TXNRD2: variants seen among roughly 807,000 people sequenced by gnomAD.
The protein encoded by TXNRD2 is thioredoxin reductase 2.
A neutral mutation model predicts 70.8 loss-of-function variants in TXNRD2; 67 were observed. That is an observed-to-expected ratio of 0.95 (90% confidence interval 0.78 to 1.16). The LOEUF (loss-of-function observed/expected upper bound fraction) is 1.16. Ranked by LOEUF, TXNRD2 falls within the 50% of genes most tolerant of loss-of-function variation. The pLI is 0.00. For missense variants in TXNRD2, 644 were observed against 719.9 expected (o/e 0.89, Z 1.21); for synonymous variants, 301 against 295.8 (o/e 1.02, Z -0.18).
chr22:19,921,251 C>CA (rs979865177), intron 2 of TXNRD2, among the ~76,000 whole-genome samples: 1 of 151,634 alleles, frequency 6.6e-6, no homozygotes, highest in South Asian at 2.1e-4. Flanking sequence ...CCTGTCTCTA[C>CA]AAAAAATACA....
intron 5 of TXNRD2, among the ~76,000 whole-genome samples, chr22:19,917,218 G>C (rs547188174): frequency 6.6e-6 from 1 of 152,174 alleles, no homozygotes. Flanking sequence ...TTTGGTGCCC[G>C]TCCAGGAGCT....
chr22:19,883,415 T>C lies in TXNRD2; in HGVS notation c.996A>G (p.Val332=), dbSNP rs768796378. The C allele has an allele frequency of 2.1e-5, 34 of 1,613,944 alleles. No individual in the cohort carries two copies. The highest frequency in any genetic ancestry group is 2.9e-5 in the Non-Finnish European group (34 of 1,180,036). Residue 332 remains valine, a synonymous_variant, in exon 12 of 18, where the codon GTA becomes GTG. Coordinates refer to ENST00000400521, the MANE Select transcript of TXNRD2 (RefSeq NM_006440.5). ...TCTTCTGAGTGTCGGGGCTAGTATC[T>C]ACCCCAGCCTTCTCCAAATTCAGAC... is the stretch of plus-strand genomic sequence containing the variant. ...TRSLNLEKAG[V]DTSPDTQKIL...
chr22:19,919,723 C>G, intron 2 of TXNRD2, 124 bp from the exon 3 acceptor site: 1 of 938,136 alleles, frequency 1.1e-6, no homozygotes, highest in Admixed American at 2.0e-5. Flanking sequence ...CGGCTGCCCA[C>G]ACAGTGGCTG....
chr22:19,932,379 C>A, intron 1 of TXNRD2: 3 of 1,612,744 alleles, frequency 1.9e-6, no homozygotes, highest in Non-Finnish European at 2.5e-6. Context: ...TGGTGGCTCA[C>A]TGCACATAGT....
chr22:19,913,682 C>A (rs756525975), intron 7 of TXNRD2, among the ~76,000 whole-genome samples: 1 of 152,206 alleles, frequency 6.6e-6, no homozygotes, highest in Non-Finnish European at 1.5e-5. Flanking sequence ...CTAGGCCAGG[C>A]GCATGCACAG....
intron 7 of TXNRD2, 97 bp from the exon 8 acceptor site, chr22:19,911,544 C>G (rs935499931): frequency 5.3e-6 from 5 of 937,204 alleles, no homozygotes; most frequent in African/African-American, 1.6e-5. Context: ...TCAAGCAGAG[C>G]TTTCCCAGGG....
intron 1 of TXNRD2, among the ~76,000 whole-genome samples, chr22:19,931,886 G>C (rs1175260929): frequency 6.6e-6 from 1 of 152,016 alleles, no homozygotes; most frequent in Non-Finnish European, 1.5e-5. Context: ...ACAGGCTAGG[G>C]GCGGTAGCTC....
chr22:19,936,437 C>T (rs1941542026), intron 1 of TXNRD2, among the ~76,000 whole-genome samples: 2 of 152,112 alleles, frequency 1.3e-5, no homozygotes, highest in Admixed American at 6.6e-5. Context: ...GTAGCTCCTG[C>T]GGCCCCAACT....
In TXNRD2 at chr22:19,941,808, G is replaced by A; in HGVS notation, c.-5C>T. ...CGCCACCGCCATTGCCGCCATCGTC[G>A]TGGGGCTTCTGGGGCAGCTAGGGCT... On this transcript the variant is annotated 5_prime_UTR_variant, in exon 1 of 18. The change creates a new upstream start codon in the 5' untranslated region. Coordinates refer to ENST00000400521, the MANE Select transcript of TXNRD2 (RefSeq NM_006440.5). 1 of 1,532,898 alleles carries A rather than the reference G, an allele frequency of 6.5e-7. No individual in the cohort carries two copies. The highest frequency in any genetic ancestry group is 8.7e-7 in the Non-Finnish European group (1 of 1,150,768). The allele number at this position is 1,532,898 out of a possible 1,614,324, so 95.0% of individuals were successfully genotyped here.
At chr22:19,898,958 G>A (rs942642652) in intron 9 of TXNRD2, 91 bp downstream of exon 9, 2 of 1,527,292 alleles carry the variant, frequency 1.3e-6, no homozygotes, top group Non-Finnish European at 1.8e-6. Context: ...AGGCAGCAAA[G>A]AGCCTGCCGG....
intron 8 of TXNRD2, among the ~76,000 whole-genome samples, chr22:19,901,785 G>A (rs1939789185): frequency 6.6e-6 from 1 of 152,204 alleles, no homozygotes; most frequent in Admixed American, 6.5e-5. Context: ...ACGTGGTGCA[G>A]CAACCAACTC....
At chr22:19,924,791 A>G (rs986678927) in intron 2 of TXNRD2, among the ~76,000 whole-genome samples, 1 of 152,166 alleles carries the variant, frequency 6.6e-6, no homozygotes, top group African/African-American at 2.4e-5. Context: ...AGCTTCATGC[A>G]GCCTAATATA....
At chr22:19,883,664 C>T in intron 11 of TXNRD2, 1 of 663,630 alleles carries the variant, frequency 1.5e-6, no homozygotes, top group Non-Finnish European at 2.6e-6. Context: ...ATGATGAAAC[C>T]CTGTCTCAGC....
Position 19,915,803 on chromosome 22 carries a change from C to T in TXNRD2, c.490G>A (p.Glu164Lys), listed in dbSNP as rs371149646. 23 of 1,614,044 alleles carry T rather than the reference C, an allele frequency of 1.4e-5. No individual in the cohort carries two copies. The highest frequency in any genetic ancestry group is 1.6e-4 in the Middle Eastern group (1 of 6,084). The change falls in exon 6 of 18, where the codon GAG (glutamate) becomes AAG (lysine). Residue 164 changes from glutamate (E) to lysine (K), a missense_variant. Around this residue, in one of 3 missense-constraint regions of TXNRD2, gnomAD observed 566 missense variants for 645.0 expected, o/e 0.88. Coordinates refer to ENST00000400521, the MANE Select transcript of TXNRD2 (RefSeq NM_006440.5). ...YFNIKASFVD[E>K]HTVCGVAKGG... is the part of the protein sequence containing the mutation. ...TTGGCAACGCCGCAAACCGTGTGCT[C>T]GTCAACAAAGCTGGCTTTGATGTTA...
Position 19,941,721 on chromosome 22 carries a change from C to A in TXNRD2, c.83G>T (p.Gly28Val), listed in dbSNP as rs1212092824. 6 of 1,486,588 alleles carry A rather than the reference C, an allele frequency of 4.0e-6. No homozygotes were observed. In the African/African-American group the frequency reaches 8.8e-5, roughly 22 times the overall value. 92.1% of individuals were successfully genotyped at this position (1,486,588 alleles called of 1,614,324 possible). A position where few individuals can be genotyped will look rare whatever the true frequency, so the allele number is the denominator to read the frequency against. ...RTQAVAGGVRGAARGAAAGQR... is the reference protein window; with the variant it reads ...RTQAVAGGVRVAARGAAAGQR... ...CCTACCTGCTGCGCCCCGCGCCGCG[C>A]CCCGCACCCCGCCCGCCACGGCCTG... Residue 28 changes from glycine (G) to valine (V), a missense_variant, in exon 1 of 18, where the codon GGC becomes GTC. This residue lies in a region of TXNRD2 where 71 missense variants were observed against 53.6 expected (regional missense o/e 1.33). Coordinates refer to ENST00000400521, the MANE Select transcript of TXNRD2 (RefSeq NM_006440.5).
chr22:19,931,297 TG>T (rs1439885938), intron 1 of TXNRD2, among the ~76,000 whole-genome samples, 199 bp from the exon 2 acceptor site: 2 of 152,232 alleles, frequency 1.3e-5, no homozygotes, highest in Non-Finnish European at 2.9e-5. Context: ...AGGTTGGCCG[TG>T]GGCGTGTGTG....
At chr22:19,925,316 A>G (rs1474556159) in intron 2 of TXNRD2, among the ~76,000 whole-genome samples, 1 of 151,826 alleles carries the variant, frequency 6.6e-6, no homozygotes, top group Non-Finnish European at 1.5e-5. Flanking sequence ...AACAACAACA[A>G]AAAAGAAGGC....
intron 1 of TXNRD2, among the ~76,000 whole-genome samples, chr22:19,936,241 T>C (rs990961812): frequency 1.3e-5 from 2 of 152,096 alleles, no homozygotes; most frequent in Admixed American, 6.5e-5. Flanking sequence ...GTTTTCTGAA[T>C]CTGGCCACCC....
At chr22:19,921,833 G>A (rs905286297) in intron 2 of TXNRD2, among the ~76,000 whole-genome samples, 1 of 152,186 alleles carries the variant, frequency 6.6e-6, no homozygotes, top group Non-Finnish European at 1.5e-5. Context: ...AGGGGACAGA[G>A]CCCACACAGG....
Sources: allele counts gnomAD v4.1 joint callset (sites outside exome capture counted in the v4.1 genomes callset), GRCh38; gene constraint gnomAD v4.1.1; regional missense constraint gnomAD v4.1.1; transcripts MANE v1.5; gene names NCBI Gene and HGNC (gene_info 2026-07-23, HGNC 2026-07-21).